Variants in INSYN2A observed in about 807,000 individuals in gnomAD.
INSYN2A encodes family with sequence similarity 196 member A.
INSYN2A carries 17 observed loss-of-function variants against 39.4 expected under a neutral mutation model. That is an observed-to-expected ratio of 0.43 (90% CI 0.30 to 0.65). The LOEUF is 0.65. Among genes scored for constraint, INSYN2A ranks in the 30% least tolerant of loss-of-function variants. The pLI, the probability that INSYN2A is intolerant of heterozygous loss-of-function variation, is 0.14. For synonymous variants in INSYN2A, 255 were observed against 265.7 expected, an observed-to-expected ratio of 0.96 and a Z score of 0.39; for missense variants, 595 against 631.2, an observed-to-expected ratio of 0.94 and a Z score of 0.61.
At position 127,175,413 on chromosome 10, in the gene INSYN2A, G is replaced by A. The variant is rs755171732; in HGVS notation, c.983C>T (p.Pro328Leu). 18 of 1,613,368 alleles carry A rather than the reference G, an allele frequency of 1.1e-5. No homozygotes were observed. The highest frequency in any genetic ancestry group is 2.7e-5 in the African/African-American group (2 of 74,934). ...CSEQPSQTHT[P>L]PGLGNQPSPT... ...ACTAGGCTGGTTCCCCAGCCCCGGC[G>A]GGGTGTGAGTCTGCGACGGCTGCTC... Residue 328 changes from proline (P) to leucine (L), a missense_variant, in exon 4 of 6, where the codon CCG (proline) becomes CTG (leucine). By Grantham distance (98) the Pro-to-Leu change is moderately conservative. Coordinates refer to ENST00000522781, the MANE Select transcript of INSYN2A (RefSeq NM_001039762.3). This position sits in a 1 kb window ranked among gnomAD's most constrained non-coding sequence, Gnocchi z 6.3.
chr10:127,166,129 A>G (rs1395565174), intron 4 of INSYN2A, among the ~76,000 whole-genome samples: 4 of 152,162 alleles, frequency 2.6e-5, no homozygotes, highest in Admixed American at 6.5e-5. Context: ...GCAGGGGCAC[A>G]ATCTCGGCTC....
At chr10:127,184,066 T>C (rs2055988879) in intron 2 of INSYN2A, among the ~76,000 whole-genome samples, 1 of 152,100 alleles carries the variant, frequency 6.6e-6, no homozygotes, top group Non-Finnish European at 1.5e-5. Flanking sequence ...GACTCAGTGG[T>C]CTTTCTTGGG....
intron 2 of INSYN2A, among the ~76,000 whole-genome samples, chr10:127,189,811 T>A (rs1357510108): frequency 6.6e-6 from 1 of 152,186 alleles, no homozygotes; most frequent in Admixed American, 6.5e-5. Context: ...TGCAGTGTGA[T>A]TTACGCAAGG....
In INSYN2A at chr10:127,176,535, G is replaced by A. The variant is rs1158442831; in HGVS notation, c.-5-135C>T. 1.4e-6 allele frequency: 1 copy of A among 713,502 alleles called. No individual in the cohort carries two copies. The highest frequency in any genetic ancestry group is 2.3e-6 in the Non-Finnish European group (1 of 439,248). The allele number at this position is 713,502 out of a possible 1,614,324, so 44.2% of individuals were successfully genotyped here. A position where few individuals can be genotyped will look rare whatever the true frequency, so the allele number is the denominator to read the frequency against. ...TTAAGCAGGTGAGGTCGGCCTTTATGTTAAGGAAAATCACACGGGCTGAGA... is the reference window on the plus strand; with the variant it reads ...TTAAGCAGGTGAGGTCGGCCTTTATATTAAGGAAAATCACACGGGCTGAGA... On this transcript the variant is annotated intron_variant, in intron 3 of 5. Coordinates refer to ENST00000522781, the MANE Select transcript of INSYN2A (RefSeq NM_001039762.3). This position sits in a 1 kb window ranked among gnomAD's most constrained non-coding sequence, Gnocchi z 4.4.
intron 4 of INSYN2A, among the ~76,000 whole-genome samples, chr10:127,169,593 A>G (rs1305124405): frequency 6.6e-6 from 1 of 152,218 alleles, no homozygotes; most frequent in Non-Finnish European, 1.5e-5. Flanking sequence ...TTGGAACACA[A>G]GTATGCCCAT....
At chr10:127,179,343 T>A (rs573472839) in intron 2 of INSYN2A, among the ~76,000 whole-genome samples, 18 of 152,360 alleles carry the variant, frequency 1.2e-4, no homozygotes, top group Non-Finnish European at 2.4e-4. Flanking sequence ...AGAGGGTTGC[T>A]GGTACATAAA....
At chr10:127,145,760 T>G (rs2051760354) in intron 5 of INSYN2A, among the ~76,000 whole-genome samples, 1 of 152,178 alleles carries the variant, frequency 6.6e-6, no homozygotes, top group Non-Finnish European at 1.5e-5. Flanking sequence ...TTTCTAGATG[T>G]GGTCAGGAGC....
At chr10:127,166,472 C>T (rs2054102093) in intron 4 of INSYN2A, among the ~76,000 whole-genome samples, 1 of 152,220 alleles carries the variant, frequency 6.6e-6, no homozygotes, top group South Asian at 2.1e-4. Context: ...CTGGCATTAA[C>T]ATGTCTTACC....
Position 127,137,911 on chromosome 10 carries a change from A to G in INSYN2A, c.1366T>C (p.Tyr456His). 6.2e-7 allele frequency: 1 copy of G among 1,614,114 alleles called. No individual in the cohort carries two copies. The change falls in exon 6 of 6, where the codon TAC becomes CAC. Residue 456 changes from tyrosine to histidine, a missense_variant. Tyr to His is a moderately conservative substitution (Grantham distance 83). Around this residue, in one of 2 missense-constraint regions of INSYN2A, gnomAD observed 117 missense variants for 163.8 expected, o/e 0.71. Coordinates refer to ENST00000522781, the MANE Select transcript of INSYN2A (RefSeq NM_001039762.3). ...VIPSPYSQET[Y>H]SSTPKQKSKT... ...GATTTTTGCTTGGGAGTTGAGGAGT[A>G]AGTCTCCTGAGAGTAAGGCGAAGGT...
chr10:127,174,828 G>A (rs915873244), intron 4 of INSYN2A, among the ~76,000 whole-genome samples: 1 of 152,182 alleles, frequency 6.6e-6, no homozygotes, highest in Non-Finnish European at 1.5e-5. Flanking sequence ...TAAGAGGCCT[G>A]TGGCCTCTTC....
At chr10:127,160,106 A>G (rs1391926396) in intron 4 of INSYN2A, among the ~76,000 whole-genome samples, 1 of 151,592 alleles carries the variant, frequency 6.6e-6, no homozygotes, top group African/African-American at 2.4e-5. Context: ...TCATAACAAA[A>G]CATGAATTGT....
At position 127,137,688 on chromosome 10, in the gene INSYN2A, T is replaced by C. The variant is rs1372400034; in HGVS notation, c.*149A>G. On this transcript the variant is annotated 3_prime_UTR_variant, in exon 6 of 6. Coordinates refer to ENST00000522781, the MANE Select transcript of INSYN2A (RefSeq NM_001039762.3). ...CTTGCTTCTGTTAATTATCTATTGG[T>C]ACAAAGGCCTTTTTGGTACGCAGGG... 14 of 654,048 alleles carry C rather than the reference T, an allele frequency of 2.1e-5. No homozygotes were observed. In the East Asian group the frequency reaches 3.6e-4, roughly 17 times the overall value. 40.5% of individuals were successfully genotyped at this position (654,048 alleles called of 1,614,324 possible). A position where few individuals can be genotyped will look rare whatever the true frequency, so the allele number is the denominator to read the frequency against.
At chr10:127,180,299 T>C (rs1283252029) in intron 2 of INSYN2A, among the ~76,000 whole-genome samples, 2 of 152,156 alleles carry the variant, frequency 1.3e-5, no homozygotes, top group East Asian at 1.9e-4. Flanking sequence ...GAAGCTGCAA[T>C]AGGATTCTTC....
intron 1 of INSYN2A, among the ~76,000 whole-genome samples, chr10:127,193,603 G>A (rs1040688877): frequency 6.6e-6 from 1 of 152,158 alleles, no homozygotes; most frequent in African/African-American, 2.4e-5. Flanking sequence ...CTACGTGAAC[G>A]GGTCTGTCCT....
At chr10:127,192,153 C>CT (rs2056803939) in intron 2 of INSYN2A, among the ~76,000 whole-genome samples, 1 of 151,994 alleles carries the variant, frequency 6.6e-6, no homozygotes, top group Non-Finnish European at 1.5e-5. Context: ...CTCTTCTTTT[C>CT]TTTTTTTGCT....
chr10:127,159,292 C>T (rs1223414045), intron 4 of INSYN2A, among the ~76,000 whole-genome samples: 1 of 152,224 alleles, frequency 6.6e-6, no homozygotes, highest in Non-Finnish European at 1.5e-5. Flanking sequence ...CAGAACACAG[C>T]GTGGAGCTCT....
intron 4 of INSYN2A, among the ~76,000 whole-genome samples, chr10:127,164,148 T>A: frequency 6.9e-6 from 1 of 145,524 alleles, no homozygotes; most frequent in East Asian, 2.1e-4. Flanking sequence ...GTCTTCCCTG[T>A]CATTTGCCTC....
At chr10:127,181,036 C>G (rs538105043) in intron 2 of INSYN2A, among the ~76,000 whole-genome samples, 21 of 152,184 alleles carry the variant, frequency 1.4e-4, no homozygotes, top group African/African-American at 5.1e-4. Flanking sequence ...CTCTGGAAGG[C>G]ATAACCACTA....
Position 127,135,539 on chromosome 10 carries a change from G to C in INSYN2A, c.*2298C>G, listed in dbSNP as rs1031578364. 1 of 152,572 alleles carries C rather than the reference G, an allele frequency of 6.6e-6. No individual in the cohort carries two copies. The highest frequency in any genetic ancestry group is 1.5e-5 in the Non-Finnish European group (1 of 68,028). 9.5% of individuals were successfully genotyped at this position (152,572 alleles called of 1,614,324 possible). On this transcript the variant is annotated 3_prime_UTR_variant, in exon 6 of 6. Coordinates refer to ENST00000522781, the MANE Select transcript of INSYN2A (RefSeq NM_001039762.3). ...ACATCTACATAAGGGAACCCTGTGC[G>C]TTTTACCTTGCTTTTGTATCAGCGT...
Sources: gnomAD v4.1 joint callset for allele counts (sites outside exome capture counted in the v4.1 genomes callset) on GRCh38, gnomAD v4.1.1 for gene constraint, gnomAD v4.1.1 regional missense constraint, Gnocchi (gnomAD v3.1) non-coding constraint, MANE v1.5 for transcripts, NCBI Gene and HGNC (gene_info 2026-07-23, HGNC 2026-07-21) for gene names.